REC8: variants seen among roughly 807,000 people sequenced by gnomAD.
REC8 encodes the protein REC8 meiotic recombination protein.
Under a neutral mutation model 78.3 loss-of-function variants are expected in REC8, and 42 were observed. The ratio of observed to expected loss-of-function variants is 0.54; its 90% CI spans 0.42 to 0.69. The LOEUF is 0.69. Among genes scored for constraint, REC8 ranks in the 30% least tolerant of loss-of-function variants. REC8 has a pLI of 0.00. For synonymous variants in REC8, 268 were observed against 274.1 expected (o/e 0.98, Z 0.22); for missense variants, 581 against 715.8 (o/e 0.81, Z 2.15).
chr14:24,180,577 G>C, downstream of REC8: 1 of 1,613,494 alleles, frequency 6.2e-7, no homozygotes, highest in Non-Finnish European at 8.5e-7. Flanking sequence ...TGGTGTCTGG[G>C]TGGAGAGGGA....
rs939358071 is a variant in REC8, at chr14:24,172,508, C to T, written c.-45C>T. ...GCCCTAAAGAATTCCGACTCAGATC[C>T]GAACGGGGATCTGGTGGAATCGAGG... is the stretch of plus-strand genomic sequence containing the variant. On this transcript the variant is annotated 5_prime_UTR_variant, in exon 1 of 19. Transcript: ENST00000611366. The T allele has an allele frequency of 1.9e-6, 3 of 1,580,986 alleles. No homozygotes were observed. Among genetic ancestry groups the T allele is most frequent in the African/African-American group, 1.3e-5 (1 of 74,382 alleles).
chr14:24,179,824 T>C lies in REC8; in HGVS notation c.1476T>C (p.Ala492=). ...GGGCAGTGGCACTGGAGCTGCAGGC[T>C]AACAGGGAGCCCGACTTCAGCAGCC... ...VHRAVALELQ[A]NREPDFSSLV... Residue 492 remains alanine, a synonymous_variant, in exon 18 of 19, where the codon GCT becomes GCC. Transcript: ENST00000611366. 1 of 1,613,310 alleles carries C rather than the reference T, an allele frequency of 6.2e-7. No homozygotes were observed. Among genetic ancestry groups the C allele is most frequent in the Admixed American group, 1.7e-5 (1 of 59,942 alleles).
intron 14 of REC8, 50 bp from the exon 15 acceptor site, chr14:24,179,035 G>A (rs764212670): frequency 1.3e-5 from 21 of 1,604,380 alleles, no homozygotes; most frequent in Non-Finnish European, 1.6e-5. Flanking sequence ...GCCTTCTGAG[G>A]CCCAAGTCCC....
chr14:24,173,229 C>T, intron 4 of REC8, 31 bp downstream of exon 4: 1 of 1,614,108 alleles, frequency 6.2e-7, no homozygotes, highest in South Asian at 1.1e-5. Context: ...TGATGGAACA[C>T]CTGCTAGCTT....
chr14:24,172,656 C>A, intron 1 of REC8, 48 bp downstream of exon 1: 1 of 1,612,932 alleles, frequency 6.2e-7, no homozygotes, highest in Non-Finnish European at 8.5e-7. Context: ...TGCCCGGGAT[C>A]CCAGCCTGAC....
intron 1 of REC8, 34 bp from the exon 2 acceptor site, chr14:24,172,679 A>G: frequency 6.2e-7 from 1 of 1,613,938 alleles, no homozygotes; most frequent in South Asian, 1.1e-5. Context: ...CTCCCCCTCC[A>G]TCCCCATTCT....
Position 24,179,577 on chromosome 14 carries a change from T to C in REC8, c.1320-18T>C, listed in dbSNP as rs1307114846. On this transcript the variant is annotated intron_variant, in intron 16 of 18. Coordinates refer to ENST00000611366, the MANE Select transcript of REC8 (RefSeq NM_001048205.2). ...CTGTCACAGCTGCCACCTTCCCTAC[T>C]CTCTCATGTCCTCCTAGGGCCTGGC... 2.5e-5 allele frequency: 40 copies of C among 1,613,752 alleles called. No individual in the cohort carries two copies. The highest frequency in any genetic ancestry group is 3.4e-5 in the Non-Finnish European group (40 of 1,179,872).
chr14:24,177,830 C>T, intron 11 of REC8, 72 bp downstream of exon 11: 3 of 1,499,370 alleles, frequency 2.0e-6, no homozygotes, highest in Non-Finnish European at 2.7e-6. Context: ...CTCCCCAAGC[C>T]CAGGGCCACT....
At position 24,173,370 on chromosome 14, in the gene REC8, T is replaced by A. The variant is rs1010263606; in HGVS notation, c.421T>A (p.Ser141Thr). Residue 141 changes from serine to threonine, a missense_variant, in exon 5 of 19, where the codon TCT (serine) becomes ACT (threonine). Ser to Thr is a moderately conservative substitution (Grantham distance 58). Coordinates refer to ENST00000611366, the MANE Select transcript of REC8 (RefSeq NM_001048205.2). ...TCCAGATCCCTTTTTTGGGATGATG[T>A]CTGTGGATCCCAGACTTCCTAGTCC... ...DAPDPFFGMM[S>T]VDPRLPSPFD... 1.2e-6 allele frequency: 2 copies of A among 1,614,174 alleles called. No homozygotes were observed. The highest frequency in any genetic ancestry group is 1.7e-5 in the Admixed American group (1 of 60,026).
intron 6 of REC8, among the ~76,000 whole-genome samples, 180 bp downstream of exon 6, chr14:24,175,804 G>A (rs1358348564): frequency 1.3e-5 from 2 of 151,064 alleles, no homozygotes; most frequent in African/African-American, 4.9e-5. Context: ...CTCACTGCAA[G>A]CAATTGTCCC....
At chr14:24,177,995 TA>T in intron 11 of REC8, 95 bp from the exon 12 acceptor site, 1 of 1,534,672 alleles carries the variant, frequency 6.5e-7, no homozygotes, top group Non-Finnish European at 8.8e-7. Flanking sequence ...CAGGTTCCTC[TA>T]GGGGCGGGTG....
At chr14:24,178,478 A>C in intron 12 of REC8, 128 bp from the exon 13 acceptor site, 1 of 997,814 alleles carries the variant, frequency 1.0e-6, no homozygotes, top group Admixed American at 2.5e-5. Flanking sequence ...TGAGCAGGGC[A>C]GGCAGGGTCA....
rs375067695 is a variant in REC8, at chr14:24,172,503, A to G, written c.-50A>G. 4.5e-6 allele frequency: 7 copies of G among 1,572,264 alleles called. No individual in the cohort carries two copies. In the African/African-American group the frequency reaches 9.5e-5, roughly 21 times the overall value. On this transcript the variant is annotated 5_prime_UTR_variant, in exon 1 of 19. Coordinates refer to ENST00000611366, the MANE Select transcript of REC8 (RefSeq NM_001048205.2). Reference sequence around the variant, plus strand: ...TCTGTGCCCTAAAGAATTCCGACTCAGATCCGAACGGGGATCTGGTGGAAT... The same window carrying G: ...TCTGTGCCCTAAAGAATTCCGACTCGGATCCGAACGGGGATCTGGTGGAAT...
At chr14:24,180,448 G>A, downstream of REC8, 1 of 1,609,646 alleles carries the variant, frequency 6.2e-7, no homozygotes, top group Non-Finnish European at 8.5e-7. Flanking sequence ...CAGTCTAGGA[G>A]AGGCCCAGTA....
intron 6 of REC8, 127 bp from the exon 7 acceptor site, chr14:24,176,695 A>G (rs1272375721): frequency 8.4e-6 from 6 of 716,422 alleles, no homozygotes; most frequent in Non-Finnish European, 1.2e-5. Flanking sequence ...TCAGGATGCC[A>G]GAGATTAGCC....
At chr14:24,173,550 G>T in intron 5 of REC8, 139 bp downstream of exon 5, 1 of 1,494,544 alleles carries the variant, frequency 6.7e-7, no homozygotes, top group Non-Finnish European at 8.9e-7. Context: ...GGACTGCCAA[G>T]GTGGACCCAT....
chr14:24,176,264 C>T (rs962816281), intron 6 of REC8, among the ~76,000 whole-genome samples: 5 of 151,710 alleles, frequency 3.3e-5, no homozygotes, highest in African/African-American at 1.2e-4. Context: ...GCCATGTTGG[C>T]CAGGCTGGTC....
rs756316686 is a variant in REC8 at position 24,179,668 on chromosome 14, G to A, written c.1393G>A (p.Glu465Lys). The change falls in exon 17 of 19, where the codon GAG (glutamate) becomes AAG (lysine). Residue 465 changes from glutamate to lysine, a missense_variant. Transcript: ENST00000611366. Reference protein sequence around the residue: ...VVPELPEVPMEMPLVLPPELE... With the variant: ...VVPELPEVPMKMPLVLPPELE... ...GCCTGAACTCCCTGAGGTGCCCATG[G>A]AGATGCCTTTGGTGCTGCCCCCAGA... The A allele has an allele frequency of 2.5e-6, 4 of 1,614,104 alleles. No homozygotes were observed. In the African/African-American group the frequency reaches 5.3e-5, roughly 22 times the overall value.
downstream of REC8, chr14:24,180,905 A>G: frequency 1.6e-6 from 1 of 629,552 alleles, no homozygotes; most frequent in Non-Finnish European, 2.7e-6. Flanking sequence ...AACTATGAAC[A>G]TGAGAAGAAC....
Sources: gnomAD v4.1 joint callset for allele counts (sites outside exome capture counted in the v4.1 genomes callset) on GRCh38, gnomAD v4.1.1 for gene constraint, MANE v1.5 for transcripts, NCBI Gene and HGNC (gene_info 2026-07-23, HGNC 2026-07-21) for gene names.